AHRR: variants seen among roughly 807,000 people sequenced by gnomAD.
The protein encoded by AHRR is ahR repressor.
In AHRR, 28 loss-of-function variants were observed where a neutral mutation model predicts 44.0. The observed-to-expected ratio is 0.64, with a 90% CI of 0.47 to 0.87. The LOEUF (loss-of-function observed/expected upper bound fraction) is 0.87, where lower values mean the gene tolerates loss of function less well. Ranked by LOEUF, AHRR falls within the 40% of genes least tolerant of loss-of-function variation. The pLI is 0.00. For synonymous variants in AHRR, 434 were observed against 407.0 expected (o/e 1.07, Z -0.80); for missense variants, 990 against 953.9 (o/e 1.04, Z -0.50).
Position 404,027 on chromosome 5 carries a change from G to A in AHRR, c.352-9317G>A. On this transcript the variant is annotated intron_variant, in intron 4 of 10. Transcript: ENST00000684583. This position sits in a 1 kb window ranked among gnomAD's most constrained non-coding sequence, Gnocchi z 4.1. ...ACTTGGTGTTTTTTCTTAATCCACG[G>A]CTGAATCTGTTTAGTCTTTGCATCC... The A allele has an allele frequency of 1.3e-6, 1 of 795,178 alleles. No individual in the cohort carries two copies. The highest frequency in any genetic ancestry group is 2.2e-6 in the Non-Finnish European group (1 of 457,504). The allele number at this position is 795,178 out of a possible 1,614,324, so 49.3% of individuals were successfully genotyped here.
chr5:343,981 TCTG>T lies in AHRR; in HGVS notation c.62+20_62+22del, dbSNP rs1560883747. On this transcript the variant is annotated intron_variant, in intron 2 of 10. Coordinates refer to ENST00000684583, the MANE Select transcript of AHRR (RefSeq NM_001377236.1). The stretch of plus-strand genomic sequence containing the variant: ...GCAGAAACAGTAAAGTATCCCGCCT[TCTG>T]CTTGTGTGGGTTGTTGCACCCATGG... 1.3e-6 allele frequency: 2 copies of T among 1,592,496 alleles called. No homozygotes were observed. Among genetic ancestry groups the T allele is most frequent in the Non-Finnish European group, 1.7e-6 (2 of 1,170,596 alleles).
At chr5:401,261 A>G (rs938943993) in intron 4 of AHRR, among the ~76,000 whole-genome samples, 3 of 152,186 alleles carry the variant, frequency 2.0e-5, no homozygotes, top group Non-Finnish European at 4.4e-5. Context: ...CTGAGGGGCC[A>G]GCCTGAGGCA....
At chr5:335,075 G>T (rs774027141) in intron 1 of AHRR, among the ~76,000 whole-genome samples, 1 of 152,130 alleles carries the variant, frequency 6.6e-6, no homozygotes, top group Non-Finnish European at 1.5e-5. Flanking sequence ...TCAGGCTTCA[G>T]TGGTAGCAGC....
intron 2 of AHRR, among the ~76,000 whole-genome samples, chr5:348,156 G>T (rs546847445): frequency 6.6e-6 from 1 of 152,114 alleles, no homozygotes; most frequent in Non-Finnish European, 1.5e-5. Context: ...ACCCAGCCTC[G>T]GTATCCTTTG....
chr5:361,764 C>T (rs921058728), intron 3 of AHRR, among the ~76,000 whole-genome samples: 2 of 152,152 alleles, frequency 1.3e-5, no homozygotes, highest in South Asian at 2.1e-4. Flanking sequence ...TTTAGAAGGA[C>T]GTGGCTTGTC....
At chr5:400,037 G>A (rs1001359347) in intron 4 of AHRR, among the ~76,000 whole-genome samples, 1 of 152,186 alleles carries the variant, frequency 6.6e-6, no homozygotes, top group East Asian at 1.9e-4. Context: ...CAGCTGCCCC[G>A]ACGCCCGCCC....
At chr5:420,800 G>GCCACCCAC (rs1736050555) in intron 5 of AHRR, 11 of 104,680 alleles carry the variant, frequency 1.1e-4, no homozygotes, top group African/African-American at 4.5e-4. Flanking sequence ...CACGCACGCA[G>GCCACCCAC]CCACGCAGCC....
Position 406,176 on chromosome 5 carries a change from G to A in AHRR, c.352-7168G>A, listed in dbSNP as rs1234997560. Reference sequence around the variant, plus strand: ...TGTGGATGGGAACCTGCCACAGCTGGGCTTGGGCGAGGGGCCCACGGTGTC... The same window carrying A: ...TGTGGATGGGAACCTGCCACAGCTGAGCTTGGGCGAGGGGCCCACGGTGTC... On this transcript the variant is annotated intron_variant, in intron 4 of 10. Coordinates refer to ENST00000684583, the MANE Select transcript of AHRR (RefSeq NM_001377236.1). The surrounding 1 kb of genome is among the most constrained non-coding windows in gnomAD (Gnocchi z 4.7). Among the ~76,000 whole-genome samples, 1 of 152,248 alleles carries A rather than the reference G, an allele frequency of 6.6e-6. No homozygotes were observed. The highest frequency in any genetic ancestry group is 1.5e-5 in the Non-Finnish European group (1 of 68,038).
intron 5 of AHRR, among the ~76,000 whole-genome samples, chr5:420,548 C>T (rs1377422155): frequency 6.6e-6 from 1 of 152,242 alleles, no homozygotes; most frequent in African/African-American, 2.4e-5. Context: ...ACACCACAGA[C>T]AGCTTCAGGG....
At chr5:415,928 C>A (rs564845547) in intron 5 of AHRR, among the ~76,000 whole-genome samples, 1 of 151,692 alleles carries the variant, frequency 6.6e-6, no homozygotes, top group African/African-American at 2.4e-5. Flanking sequence ...CAAAAAAACT[C>A]CTCTAGTCCG....
chr5:340,688 A>ATATATAT (rs1269938749), intron 1 of AHRR, among the ~76,000 whole-genome samples: 1 of 12,928 alleles, frequency 7.7e-5, no homozygotes, highest in African/African-American at 4.0e-4. Flanking sequence ...ATATATATAT[A>ATATATAT]TTTTTTTTTT....
intron 8 of AHRR, among the ~76,000 whole-genome samples, chr5:430,727 G>C (rs1736685741): frequency 6.6e-6 from 1 of 152,232 alleles, no homozygotes; most frequent in East Asian, 1.9e-4. Flanking sequence ...CTTATGAGCA[G>C]CTTCTGCCTG....
At chr5:377,531 G>A (rs763278088) in intron 4 of AHRR, among the ~76,000 whole-genome samples, 36 of 152,150 alleles carry the variant, frequency 2.4e-4, no homozygotes, top group Admixed American at 6.5e-4. Flanking sequence ...CAGCCAACCC[G>A]CTCCAGATGA....
At chr5:432,785 C>T in intron 9 of AHRR, 21 bp from the exon 10 acceptor site, 2 of 1,613,892 alleles carry the variant, frequency 1.2e-6, no homozygotes, top group South Asian at 1.1e-5. Flanking sequence ...GACGGCTTCC[C>T]CCCCCTCTAA....
At chr5:393,778 T>C (rs1219121953) in intron 4 of AHRR, among the ~76,000 whole-genome samples, 1 of 152,144 alleles carries the variant, frequency 6.6e-6, no homozygotes, top group African/African-American at 2.4e-5. Flanking sequence ...GCTGGGATTA[T>C]AGGCGTATGC....
chr5:343,076 A>G (rs1299944269), intron 1 of AHRR, among the ~76,000 whole-genome samples: 1 of 152,226 alleles, frequency 6.6e-6, no homozygotes, highest in Non-Finnish European at 1.5e-5. Flanking sequence ...AAGACCTGCC[A>G]CAAACCGCAC....
chr5:370,230 G>A lies in AHRR; in HGVS notation c.245-6380G>A, dbSNP rs1406543503. The stretch of plus-strand genomic sequence containing the variant: ...CTCCCGGGCCCTCGCTGGAAGCCCC[G>A]TCCTCCCGGGCCCTCGCTGGTGCCC... On this transcript the variant is annotated intron_variant, in intron 3 of 10. Transcript: ENST00000684583. This position sits in a 1 kb window ranked among gnomAD's most constrained non-coding sequence, Gnocchi z 4.5. Among the ~76,000 whole-genome samples the A allele has an allele frequency of 4.2e-5, 6 of 143,756 alleles. No homozygotes were observed. The highest frequency in any genetic ancestry group is 2.3e-4 in the South Asian group (1 of 4,374). 94.3% of individuals were successfully genotyped at this position (143,756 alleles called of 152,430 possible).
At chr5:392,524 C>T (rs2126476500) in intron 4 of AHRR, among the ~76,000 whole-genome samples, 1 of 152,244 alleles carries the variant, frequency 6.6e-6, no homozygotes, top group Non-Finnish European at 1.5e-5. Flanking sequence ...GACGCGGCGT[C>T]CACAGCCAGG....
chr5:434,300 G>C lies in AHRR; in HGVS notation c.1560G>C (p.Gly520=), dbSNP rs370664955. 1.2e-6 allele frequency: 2 copies of C among 1,609,554 alleles called. No homozygotes were observed. The highest frequency in any genetic ancestry group is 1.7e-6 in the Non-Finnish European group (2 of 1,177,846). ...TGCAAGGTGTACCGATGCCTCCGGG[G>C]GACCTGTGTGGTCCGACGCTGCTGC... is the stretch of plus-strand genomic sequence containing the variant. ...MKLQGVPMPP[G]DLCGPTLLLD... is the part of the protein sequence containing the mutation. Residue 520 remains glycine (G), a synonymous_variant, in exon 11 of 11, where the codon GGG becomes GGC. Transcript: ENST00000684583.
Sources: gnomAD v4.1 joint callset for allele counts (sites outside exome capture counted in the v4.1 genomes callset) on GRCh38, gnomAD v4.1.1 for gene constraint, Gnocchi (gnomAD v3.1) non-coding constraint, MANE v1.5 for transcripts, NCBI Gene and HGNC (gene_info 2026-07-23, HGNC 2026-07-21) for gene names.